The following DNAH12 variants were observed in gnomAD, a reference collection of about 807,000 sequenced individuals.
The protein encoded by DNAH12 is axonemal beta dynein heavy chain 12.
A neutral mutation model predicts 371.5 loss-of-function variants in DNAH12; 285 were observed. The observed-to-expected ratio is 0.77, with a 90% CI of 0.70 to 0.85. DNAH12 has a LOEUF of 0.85. DNAH12 is among the 40% of genes least tolerant of loss of function. DNAH12 has a pLI of 0.00. For synonymous variants in DNAH12, 1,200 were observed against 1,213.0 expected (o/e 0.99, Z 0.22); for missense variants, 3,611 against 3,689.4 (o/e 0.98, Z 0.55).
At chr3:57,322,955 A>G (rs2061842035) in intron 64 of DNAH12, 52 bp downstream of exon 64, 1 of 1,530,790 alleles carries the variant, frequency 6.5e-7, no homozygotes, top group Non-Finnish European at 8.8e-7. Context: ...AACAAATAAG[A>G]TATACAGATA....
chr3:57,527,264 T>C (rs566518944), intron 2 of DNAH12, among the ~76,000 whole-genome samples: 3 of 152,234 alleles, frequency 2.0e-5, no homozygotes, highest in Admixed American at 2.0e-4. Context: ...TGGGAGGCCA[T>C]GGCAGGAGGA....
At chr3:57,466,068 T>TCACACACA (rs10616496) in intron 17 of DNAH12, among the ~76,000 whole-genome samples, 2 of 149,626 alleles carry the variant, frequency 1.3e-5, no homozygotes. Flanking sequence ...CACATGCAAT[T>TCACACACA]CACACACACA....
In DNAH12 at chr3:57,453,387, T is replaced by C; in HGVS notation, c.3473A>G (p.Tyr1158Cys). Residue 1158 changes from tyrosine to cysteine, a missense_variant, in exon 24 of 74, where the codon TAT (tyrosine) becomes TGT (cysteine). Physicochemically the swap from Tyr to Cys is radical, Grantham distance 194. Coordinates refer to ENST00000495027, the MANE Select transcript of DNAH12 (RefSeq NM_001366028.2). The stretch of plus-strand genomic sequence containing the variant: ...ATTCAGTTGGTTCTGAAGTTCCTTA[T>C]AATACTTCTTTAATCCCTACAAAAT... Reference protein sequence around the residue: ...SGGTEGLKKYYKELQNQLNEI... With the variant: ...SGGTEGLKKYCKELQNQLNEI... The C allele has an allele frequency of 6.5e-7, 1 of 1,543,168 alleles. No individual in the cohort carries two copies. The highest frequency in any genetic ancestry group is 8.7e-7 in the Non-Finnish European group (1 of 1,144,628).
intron 28 of DNAH12, 55 bp from the exon 29 acceptor site, chr3:57,444,871 A>G: frequency 6.6e-7 from 1 of 1,515,250 alleles, no homozygotes; most frequent in South Asian, 1.3e-5. Flanking sequence ...TTGCAACCCC[A>G]CTTCTCCCTC....
Position 57,510,997 on chromosome 3 carries a change from A to C in DNAH12, c.280-18T>G. The C allele has an allele frequency of 6.4e-7, 1 of 1,566,712 alleles. No individual in the cohort carries two copies. Among genetic ancestry groups the C allele is most frequent in the Non-Finnish European group, 8.6e-7 (1 of 1,160,792 alleles). ...TAGTTGAACTGAGAACATAAGAAAAAATTAAATGTTCTGCATGGTTGTATC... is the reference window on the plus strand; with the variant it reads ...TAGTTGAACTGAGAACATAAGAAAACATTAAATGTTCTGCATGGTTGTATC... On this transcript the variant is annotated intron_variant, in intron 4 of 73. Transcript: ENST00000495027.
chr3:57,435,446 G>A (rs1217828324), intron 30 of DNAH12, among the ~76,000 whole-genome samples: 1 of 146,686 alleles, frequency 6.8e-6, no homozygotes, highest in African/African-American at 2.5e-5. Flanking sequence ...ATGAAAAACA[G>A]ACTAAGATTG....
chr3:57,553,887 C>G, the DNAH12 span, among the ~76,000 whole-genome samples: 1 of 149,910 alleles, frequency 6.7e-6, no homozygotes, highest in Admixed American at 6.6e-5. Flanking sequence ...GGCAGTGGCG[C>G]GATCTCGGCT....
rs58414998 is a variant in DNAH12, at chr3:57,500,158, G to GCC, written c.1335+1161_1335+1162dup. On this transcript the variant is annotated intron_variant, in intron 11 of 73. Transcript: ENST00000495027. The stretch of plus-strand genomic sequence containing the variant: ...CAGGTTCAAGCGATCCTACTCCTCA[G>GCC]CCCCCCCTAGTAGCTGGGATTACAG... 7.1e-3 allele frequency among the ~76,000 whole-genome samples: 1,060 copies of GCC among 149,960 alleles called. 11 individuals carry two copies. The highest frequency in any genetic ancestry group is 0.023 in the African/African-American group (929 of 39,790).
chr3:57,428,321 A>G (rs1171724029), intron 34 of DNAH12: 15 of 1,073,412 alleles, frequency 1.4e-5, no homozygotes, highest in Non-Finnish European at 1.9e-5. Flanking sequence ...CTAAATATTG[A>G]ATAACTCATA....
rs367839282 is a variant in DNAH12 at position 57,453,412 on chromosome 3, TA to T, written c.3457-10del. ...TAATACTTCTTTAATCCCTACAAAA[TA>T]AAAAAAAAAGCAATCTAATTGATGT... On this transcript the variant is annotated splice_polypyrimidine_tract_variant and intron_variant, in intron 23 of 73. Transcript: ENST00000495027. The T allele has an allele frequency of 5.8e-3, 7,632 of 1,317,060 alleles. 2 individuals carry two copies. The highest frequency in any genetic ancestry group is 0.015 in the South Asian group (921 of 62,754). 81.6% of individuals were successfully genotyped at this position (1,317,060 alleles called of 1,614,324 possible).
In DNAH12 at chr3:57,429,735, G is replaced by C. The variant is rs753180106; in HGVS notation, c.5020C>G (p.Gln1674Glu). 6.5e-6 allele frequency: 10 copies of C among 1,532,780 alleles called. No homozygotes were observed. The highest frequency in any genetic ancestry group is 8.8e-6 in the Non-Finnish European group (10 of 1,140,484). 94.9% of individuals were successfully genotyped at this position (1,532,780 alleles called of 1,614,324 possible). The part of the protein sequence containing the change: ...MSGEIIQMSP[Q>E]MSLIFETMDL... ...ATTGTTTCAAAGATGAGGCTCATTT[G>C]GGGGGACATCTGAATGATTTCTCCA... is the stretch of plus-strand genomic sequence containing the variant. Residue 1674 changes from glutamine (Q) to glutamate (E), a missense_variant, in exon 33 of 74, where the codon CAA becomes GAA. Gln to Glu is a conservative substitution (Grantham distance 29). This residue lies in a region of DNAH12 where 2,266 missense variants were observed against 2,236.9 expected (regional missense o/e 1.01). Transcript: ENST00000495027.
intron 69 of DNAH12, among the ~76,000 whole-genome samples, chr3:57,306,720 G>A (rs916276675): frequency 8.5e-5 from 13 of 152,138 alleles, no homozygotes; most frequent in Non-Finnish European, 1.3e-4. Context: ...GTTATCACTC[G>A]CCTGCCACAG....
the DNAH12 span, among the ~76,000 whole-genome samples, chr3:57,552,328 A>G: frequency 6.6e-6 from 1 of 151,856 alleles, no homozygotes; most frequent in Non-Finnish European, 1.5e-5. Flanking sequence ...AAGTGCTGGG[A>G]TTACAGGCAT....
rs370335542 is a variant in DNAH12 at position 57,293,735 on chromosome 3, GTT to G, written c.*44_*45del. 3.0e-4 allele frequency: 335 copies of G among 1,112,716 alleles called. No homozygotes were observed. Among genetic ancestry groups the G allele is most frequent in the African/African-American group, 2.1e-3 (133 of 62,390 alleles). 68.9% of individuals were successfully genotyped at this position (1,112,716 alleles called of 1,614,324 possible). ...AATGTATATATTTTAAGTAGGACAG[GTT>G]TTTTTTTTTTTAAACTTTTGGATGT... On this transcript the variant is annotated 3_prime_UTR_variant, in exon 74 of 74. Coordinates refer to ENST00000495027, the MANE Select transcript of DNAH12 (RefSeq NM_001366028.2).
intron 57 of DNAH12, among the ~76,000 whole-genome samples, chr3:57,365,675 CCA>C (rs2063034999): frequency 6.6e-6 from 1 of 152,026 alleles, no homozygotes; most frequent in Non-Finnish European, 1.5e-5. Context: ...AATCTTACCA[CCA>C]CAGAGATAAT....
At chr3:57,505,442 G>A (rs1051107097) in intron 8 of DNAH12, among the ~76,000 whole-genome samples, 3 of 151,818 alleles carry the variant, frequency 2.0e-5, no homozygotes, top group Non-Finnish European at 4.4e-5. Flanking sequence ...TGGTTTTTTG[G>A]TTTTTGTTTT....
chr3:57,353,419 A>G (rs897276440), intron 59 of DNAH12, among the ~76,000 whole-genome samples: 1 of 152,268 alleles, frequency 6.6e-6, no homozygotes, highest in South Asian at 2.1e-4. Context: ...CAGCCTCCTA[A>G]GTAGCTGGGA....
At position 57,415,216 on chromosome 3, in the gene DNAH12, A is replaced by G. The variant is rs188723355; in HGVS notation, c.5853+210T>C. 3.1e-3 allele frequency among the ~76,000 whole-genome samples: 466 copies of G among 152,256 alleles called. 3 individuals carry two copies. Among genetic ancestry groups the G allele is most frequent in the African/African-American group, 0.01 (432 of 41,580 alleles). On this transcript the variant is annotated intron_variant, in intron 38 of 73. Coordinates refer to ENST00000495027, the MANE Select transcript of DNAH12 (RefSeq NM_001366028.2). ...GCTTCTTCTCAGGCTTAAAAAAAAA[A>G]CAGGTGATAAAGCTCAGTAACCCAC...
At position 57,405,593 on chromosome 3, in the gene DNAH12, T is replaced by C. The variant is rs541409254; in HGVS notation, c.6576+60A>G. ...AATGATTTTTAAAAATATAACTTAA[T>C]TGTAACAATTCATATATGGTACTGC... On this transcript the variant is annotated intron_variant, in intron 41 of 73. Transcript: ENST00000495027. The C allele has an allele frequency of 2.6e-5, 38 of 1,441,062 alleles. No individual in the cohort carries two copies. In the East Asian group the frequency reaches 8.7e-4, roughly 33 times the overall value. The allele number at this position is 1,441,062 out of a possible 1,614,324, so 89.3% of individuals were successfully genotyped here.
Sources: gnomAD v4.1 joint callset for allele counts (sites outside exome capture counted in the v4.1 genomes callset) on GRCh38, gnomAD v4.1.1 for gene constraint, gnomAD v4.1.1 regional missense constraint, MANE v1.5 for transcripts, NCBI Gene and HGNC (gene_info 2026-07-23, HGNC 2026-07-21) for gene names.